The following PUDP variants were observed in gnomAD, a reference collection of about 807,000 sequenced individuals.
PUDP encodes pseudouridine-5'-phosphatase.
In PUDP, 8 loss-of-function variants were observed where a neutral mutation model predicts 9.4. That is an observed-to-expected ratio of 0.85 (90% CI 0.50 to 1.53). PUDP has a LOEUF of 1.53. Ranked by LOEUF, PUDP falls within the 40% of genes most tolerant of loss-of-function variation. The pLI, the probability that PUDP is intolerant of heterozygous loss-of-function variation, is 0.00. For missense variants in PUDP, 188 were observed against 189.7 expected, an observed-to-expected ratio of 0.99 and a Z score of 0.05; for synonymous variants, 99 against 80.7, an observed-to-expected ratio of 1.23 and a Z score of -1.22.
At chrX:6,723,385 T>C (rs1019073464), upstream of PUDP, among the ~76,000 whole-genome samples, 1 of 85,918 alleles carries the variant, frequency 1.2e-5, no homozygotes, top group Non-Finnish European at 2.1e-5. Context: ...CAATAAACTA[T>C]GACCGTGTCA....
chrX:6,867,209 T>A (rs943501124), intron 3 of PUDP, among the ~76,000 whole-genome samples: 1 of 112,076 alleles, frequency 8.9e-6, no homozygotes, highest in African/African-American at 3.2e-5. Flanking sequence ...AATCTTCCCC[T>A]GAGAACACAT....
chrX:7,082,461 T>C (rs1931126852), intron 2 of PUDP, among the ~76,000 whole-genome samples: 1 of 111,336 alleles, frequency 9.0e-6, no homozygotes, highest in Non-Finnish European at 1.9e-5. Flanking sequence ...CAGAATCAAG[T>C]GGGGGGTACC....
chrX:6,763,181 T>C (rs949110413), intron 3 of PUDP, among the ~76,000 whole-genome samples: 4 of 112,124 alleles, frequency 3.6e-5, no homozygotes, highest in African/African-American at 1.3e-4. Context: ...TTGAGGCCAG[T>C]TGTTCGAGAC....
intron 3 of PUDP, among the ~76,000 whole-genome samples, chrX:6,843,930 C>A (rs978723666): frequency 8.9e-6 from 1 of 112,613 alleles, no homozygotes; most frequent in Non-Finnish European, 1.9e-5. Context: ...AAAATTTTAA[C>A]CTTACAGTTC....
At chrX:7,055,777 CAT>C (rs777146355) in intron 3 of PUDP, among the ~76,000 whole-genome samples, 77 of 98,499 alleles carry the variant, frequency 7.8e-4, no homozygotes, top group Non-Finnish European at 1.6e-3. Context: ...AGGACTTAAG[CAT>C]CAAAAAAAGA....
At chrX:7,057,743 CAGA>C in intron 3 of PUDP, 1 of 1,154,515 alleles carries the variant, frequency 8.7e-7, no homozygotes, top group Non-Finnish European at 1.1e-6. Flanking sequence ...GTTGATTACA[CAGA>C]AGGAGGAGCG....
chrX:7,126,238 G>A (rs1447693694), intron 1 of PUDP, among the ~76,000 whole-genome samples: 1 of 111,036 alleles, frequency 9.0e-6, no homozygotes, highest in Non-Finnish European at 1.9e-5. Context: ...GGTGGGGGTG[G>A]AGGAATGTCA....
chrX:7,012,305 A>G (rs956525982), intron 1 of PUDP, among the ~76,000 whole-genome samples: 1 of 112,429 alleles, frequency 8.9e-6, no homozygotes, highest in Admixed American at 9.4e-5. Flanking sequence ...TAGGTGCTAC[A>G]TAAATATTAT....
chrX:6,981,352 A>G (rs1041259483), intron 1 of PUDP, among the ~76,000 whole-genome samples: 2 of 111,823 alleles, frequency 1.8e-5, no homozygotes, highest in Non-Finnish European at 3.8e-5. Context: ...AGAAACCCCA[A>G]TGTTTTAAAA....
chrX:7,136,231 T>C (rs1388503789), intron 1 of PUDP, among the ~76,000 whole-genome samples: 4 of 111,937 alleles, frequency 3.6e-5, no homozygotes, highest in Non-Finnish European at 7.5e-5. Flanking sequence ...GAGGTCCAGA[T>C]GGATTCAGGT....
At chrX:6,825,537 G>A (rs1474967910) in intron 3 of PUDP, among the ~76,000 whole-genome samples, 1 of 111,448 alleles carries the variant, frequency 9.0e-6, no homozygotes, top group African/African-American at 3.3e-5. Context: ...AAAGGTGATG[G>A]ACATGGTGTT....
At chrX:7,016,735 T>C (rs939633661) in intron 1 of PUDP, among the ~76,000 whole-genome samples, 1 of 110,672 alleles carries the variant, frequency 9.0e-6, no homozygotes, top group Admixed American at 9.6e-5. Flanking sequence ...AGGAAGTATC[T>C]TTTTGGGTGC....
intron 3 of PUDP, among the ~76,000 whole-genome samples, chrX:7,054,740 C>A (rs1930193466): frequency 8.9e-6 from 1 of 112,160 alleles, no homozygotes; most frequent in South Asian, 3.7e-4. Flanking sequence ...TAACAGCTGT[C>A]AGGAGATACC....
chrX:7,004,143 A>G (rs1265571152), intron 1 of PUDP, among the ~76,000 whole-genome samples: 7 of 111,663 alleles, frequency 6.3e-5, no homozygotes, highest in Admixed American at 4.8e-4. Context: ...CCCAAAGTGC[A>G]GGGATTACAG....
At chrX:7,026,347 C>T (rs943644025) in intron 1 of PUDP, among the ~76,000 whole-genome samples, 1 of 111,898 alleles carries the variant, frequency 8.9e-6, no homozygotes, top group Non-Finnish European at 1.9e-5. Flanking sequence ...GTCTCTTGGG[C>T]CTGCAATGAC....
At chrX:7,147,499 T>C (rs1160128025) in intron 1 of PUDP, among the ~76,000 whole-genome samples, 1 of 111,853 alleles carries the variant, frequency 8.9e-6, no homozygotes, top group Non-Finnish European at 1.9e-5. Flanking sequence ...GACATCGCCA[T>C]TGCCAGATGC....
intron 2 of PUDP, chrX:7,085,440 A>C (rs1230437577): frequency 8.9e-6 from 1 of 112,144 alleles, no homozygotes; most frequent in African/African-American, 3.2e-5. Context: ...GGCCACATGC[A>C]GGAAGCTGTT....
At chrX:6,724,876 C>G (rs181914308), upstream of PUDP, among the ~76,000 whole-genome samples, 1 of 111,757 alleles carries the variant, frequency 8.9e-6, no homozygotes, top group East Asian at 2.8e-4. Flanking sequence ...TCACAAGTCT[C>G]TTCTAATCAA....
intron 3 of PUDP, among the ~76,000 whole-genome samples, chrX:7,072,871 T>C: frequency 9.5e-6 from 1 of 104,885 alleles, no homozygotes; most frequent in Non-Finnish European, 2.0e-5. Flanking sequence ...TTGTAATAAA[T>C]ATCAACCCTA....
Sources: allele counts gnomAD v4.1 joint callset (sites outside exome capture counted in the v4.1 genomes callset), GRCh38; gene constraint gnomAD v4.1.1; transcripts MANE v1.5; gene names NCBI Gene and HGNC (gene_info 2026-07-23, HGNC 2026-07-21).